HERC4: variants seen among roughly 807,000 people sequenced by gnomAD.
The protein encoded by HERC4 is HECT and RLD domain containing E3 ubiquitin protein ligase 4.
Under a neutral mutation model 124.3 loss-of-function variants are expected in HERC4, and 28 were observed. The observed-to-expected ratio is 0.23, with a 90% CI of 0.17 to 0.31. HERC4 has a LOEUF of 0.31. Among genes scored for constraint, HERC4 ranks in the 10% least tolerant of loss-of-function variants. HERC4 has a pLI of 1.00. For missense variants in HERC4, 713 were observed against 1,229.3 expected (o/e 0.58, Z 6.28); for synonymous variants, 407 against 421.5 (o/e 0.97, Z 0.42).
At chr10:68,018,874 G>GCACTACCA (rs2038423264) in intron 8 of HERC4, among the ~76,000 whole-genome samples, 1 of 142,266 alleles carries the variant, frequency 7.0e-6, no homozygotes, top group East Asian at 2.1e-4. Flanking sequence ...GAGATTCAAT[G>GCACTACCA]CACTACCAAT....
chr10:68,022,153 C>T (rs1020255466), intron 8 of HERC4, among the ~76,000 whole-genome samples: 1 of 152,140 alleles, frequency 6.6e-6, no homozygotes, highest in African/African-American at 2.4e-5. Flanking sequence ...AAAGAAACAG[C>T]ATGGTCATGG....
At chr10:68,035,937 A>C (rs888601458) in intron 5 of HERC4, among the ~76,000 whole-genome samples, 2 of 152,180 alleles carry the variant, frequency 1.3e-5, no homozygotes, top group African/African-American at 4.8e-5. Context: ...TCATTATTGA[A>C]TGACTATATC....
At chr10:67,938,703 C>T (rs7917123) in intron 21 of HERC4, among the ~76,000 whole-genome samples, 147,861 of 152,142 alleles carry the variant, frequency 0.97, 71,986 homozygotes, top group East Asian at 1. Flanking sequence ...GCCAGCACTT[C>T]GGGAGGCCGA....
At chr10:68,061,879 T>TTA (rs773936246) in intron 3 of HERC4, among the ~76,000 whole-genome samples, 553 of 54,894 alleles carry the variant, frequency 0.01, 12 homozygotes, top group African/African-American at 0.044. Flanking sequence ...AGACTCCATT[T>TTA]AAAAAAAAAA....
chr10:68,021,429 T>C lies in HERC4; in HGVS notation c.908+4117A>G, dbSNP rs559651806. 5.3e-5 allele frequency among the ~76,000 whole-genome samples: 8 copies of C among 152,348 alleles called. No homozygotes were observed. In the South Asian group the frequency reaches 1.2e-3, roughly 24 times the overall value. ...ATGCAGAAAAAGCACTTGCTTTTCC[T>C]GTAAGATCAGGAATAAGGATGCCTG... On this transcript the variant is annotated intron_variant, in intron 8 of 24. Transcript: ENST00000373700.
rs772933815 is a variant in HERC4 at position 67,939,696 on chromosome 10, G to T, written c.2505-42C>A. ...ATGTTTCTGAGAGGAAAAAATTATT[G>T]GATATTTTGACTATTTTACTTATGG... On this transcript the variant is annotated intron_variant, in intron 20 of 24. Coordinates refer to ENST00000373700, the MANE Select transcript of HERC4 (RefSeq NM_015601.4). 22 of 1,205,858 alleles carry T rather than the reference G, an allele frequency of 1.8e-5. No individual in the cohort carries two copies. In the South Asian group the frequency reaches 2.7e-4, roughly 15 times the overall value. The allele number at this position is 1,205,858 out of a possible 1,614,324, so 74.7% of individuals were successfully genotyped here.
intron 23 of HERC4, among the ~76,000 whole-genome samples, chr10:67,930,150 T>C (rs1589116127): frequency 6.6e-6 from 1 of 152,290 alleles, no homozygotes; most frequent in East Asian, 1.9e-4. Context: ...TTCTGCTGAA[T>C]AGGTATACTG....
At chr10:67,948,478 C>T (rs142088977) in intron 19 of HERC4, among the ~76,000 whole-genome samples, 1,646 of 152,152 alleles carry the variant, frequency 0.011, 30 homozygotes, top group African/African-American at 0.038. Context: ...AATGCAATAC[C>T]ACCTTACTCC....
chr10:68,001,932 TA>T (rs759372374), intron 9 of HERC4, among the ~76,000 whole-genome samples: 36 of 152,300 alleles, frequency 2.4e-4, no homozygotes, highest in South Asian at 4.1e-4. Flanking sequence ...AGGTATACAA[TA>T]TTTTTTTTCA....
At chr10:68,064,148 G>A (rs994593844) in intron 3 of HERC4, among the ~76,000 whole-genome samples, 1 of 150,586 alleles carries the variant, frequency 6.6e-6, no homozygotes, top group South Asian at 2.1e-4. Flanking sequence ...GAGGCTGAGG[G>A]GAATCGCTTG....
intron 16 of HERC4, 99 bp from the exon 17 acceptor site, chr10:67,957,075 T>C: frequency 1.6e-6 from 1 of 610,620 alleles, no homozygotes. Flanking sequence ...TCTTTGTTTA[T>C]TCACTCATGT....
chr10:67,998,563 AGG>A (rs58245126), intron 9 of HERC4, among the ~76,000 whole-genome samples: 66,408 of 130,940 alleles, frequency 0.51, 19,940 homozygotes, highest in Non-Finnish European at 0.67. Flanking sequence ...AAAAAAAAAA[AGG>A]GGGGGGGGTA....
At chr10:68,048,483 T>A (rs1235940955) in intron 3 of HERC4, among the ~76,000 whole-genome samples, 1 of 152,028 alleles carries the variant, frequency 6.6e-6, no homozygotes, top group African/African-American at 2.4e-5. Flanking sequence ...GTAAAATAAT[T>A]AGTGGTTGCC....
chr10:68,059,534 TATC>T lies in HERC4; in HGVS notation c.226+13346_226+13348del, dbSNP rs1389588702. ...TATTATATATCATAATAATATTATA[TATC>T]ATATTATATATCATAATATATATCA... On this transcript the variant is annotated intron_variant, in intron 3 of 24. Transcript: ENST00000373700. Among the ~76,000 whole-genome samples the T allele has an allele frequency of 1.5e-3, 162 of 106,866 alleles. 15 individuals are homozygous for T. Among genetic ancestry groups the T allele is most frequent in the Non-Finnish European group, 2.3e-3 (122 of 53,260 alleles). 70.1% of individuals were successfully genotyped at this position (106,866 alleles called of 152,430 possible).
intron 15 of HERC4, among the ~76,000 whole-genome samples, chr10:67,983,221 A>G (rs1003652145): frequency 3.9e-5 from 6 of 152,234 alleles, no homozygotes; most frequent in Non-Finnish European, 8.8e-5. Context: ...AGGCAATAAC[A>G]AATGCTGGCA....
At chr10:68,039,039 G>A (rs998400203) in intron 4 of HERC4, among the ~76,000 whole-genome samples, 38 of 151,378 alleles carry the variant, frequency 2.5e-4, no homozygotes, top group Non-Finnish European at 5.6e-4. Context: ...TTACAGGTGG[G>A]TTACTGTAAT....
At position 68,059,433 on chromosome 10, in the gene HERC4, G is replaced by A. The variant is rs1056893170; in HGVS notation, c.226+13450C>T. Among the ~76,000 whole-genome samples, 9 of 95,242 alleles carry A rather than the reference G, an allele frequency of 9.4e-5. No homozygotes were observed. In the Middle Eastern group the frequency reaches 0.018, roughly 189 times the overall value. The allele number at this position is 95,242 out of a possible 152,430, so 62.5% of individuals were successfully genotyped here. On this transcript the variant is annotated intron_variant, in intron 3 of 24. Coordinates refer to ENST00000373700, the MANE Select transcript of HERC4 (RefSeq NM_015601.4). ...ATTCCTGGGTTGTTTTGTTTCTCTCGCTATTATAATAATATTATATATTAT... is the reference window on the plus strand; with the variant it reads ...ATTCCTGGGTTGTTTTGTTTCTCTCACTATTATAATAATATTATATATTAT...
At chr10:68,003,162 C>CTTTTTTTTTTTTTTTTTTTTTTT (rs61552989) in intron 9 of HERC4, among the ~76,000 whole-genome samples, 1 of 145,998 alleles carries the variant, frequency 6.8e-6, no homozygotes, top group Non-Finnish European at 1.5e-5. Context: ...TATTTTTATA[C>CTTTTTTTTTTTTTTTTTTTTTTT]TTTTTTTTTT....
chr10:68,026,401 G>T (rs2038902984), intron 7 of HERC4, among the ~76,000 whole-genome samples: 1 of 151,752 alleles, frequency 6.6e-6, no homozygotes, highest in East Asian at 2.0e-4. Flanking sequence ...TGGCCTTATA[G>T]AAATTTTTAG....
Sources: gnomAD v4.1 joint callset for allele counts (sites outside exome capture counted in the v4.1 genomes callset) on GRCh38, gnomAD v4.1.1 for gene constraint, MANE v1.5 for transcripts, NCBI Gene and HGNC (gene_info 2026-07-23, HGNC 2026-07-21) for gene names.